Variants in ARMC9 observed in about 807,000 individuals in gnomAD.
ARMC9 encodes the protein armadillo repeat containing 9.
ARMC9 carries 94 observed loss-of-function variants against 107.0 expected under a neutral mutation model. The observed-to-expected ratio is 0.88, with a 90% CI of 0.74 to 1.04. ARMC9 has a LOEUF of 1.04. Ranked by LOEUF, ARMC9 falls within the 50% of genes least tolerant of loss-of-function variation. The probability of loss-of-function intolerance (pLI) is 0.00; values close to 1 mark genes in which losing one functional copy is unlikely to be tolerated. For synonymous variants in ARMC9, 380 were observed against 396.9 expected (o/e 0.96, Z 0.51); for missense variants, 942 against 1,030.1 (o/e 0.91, Z 1.17).
intron 19 of ARMC9, among the ~76,000 whole-genome samples, chr2:231,318,616 C>G (rs147527910): frequency 1.6e-4 from 25 of 152,302 alleles, no homozygotes; most frequent in African/African-American, 6.0e-4. Context: ...ACGATGGGAA[C>G]GCCTCCAGGC....
intron 17 of ARMC9, among the ~76,000 whole-genome samples, chr2:231,288,339 G>C (rs1374994904): frequency 6.6e-6 from 1 of 152,254 alleles, no homozygotes; most frequent in Middle Eastern, 3.4e-3. Flanking sequence ...TTATCTCTGG[G>C]TGGGGGGCCT....
At chr2:231,319,420 G>T (rs115251684) in intron 19 of ARMC9, among the ~76,000 whole-genome samples, 1 of 152,210 alleles carries the variant, frequency 6.6e-6, no homozygotes, top group Non-Finnish European at 1.5e-5. Flanking sequence ...TAACTGCCAC[G>T]AACCTGAGCA....
chr2:231,375,742 G>A lies in ARMC9; in HGVS notation c.*4207G>A, dbSNP rs2046177214. On this transcript the variant is annotated 3_prime_UTR_variant, in exon 25 of 25. Coordinates refer to ENST00000611582, the MANE Select transcript of ARMC9 (RefSeq NM_001352754.2). This position sits in a 1 kb window ranked among gnomAD's most constrained non-coding sequence, Gnocchi z 4.3. ...ATTAGCAAAAAGTCAGGGCTACAGA[G>A]CCCTATCCAGAGTCGTCATCTTAAG... Among the ~76,000 whole-genome samples, 1 of 152,186 alleles carries A rather than the reference G, an allele frequency of 6.6e-6. No individual in the cohort carries two copies. The highest frequency in any genetic ancestry group is 1.5e-5 in the Non-Finnish European group (1 of 68,038).
At chr2:231,284,643 T>C (rs922868209) in intron 17 of ARMC9, among the ~76,000 whole-genome samples, 4 of 152,216 alleles carry the variant, frequency 2.6e-5, no homozygotes, top group African/African-American at 7.2e-5. Context: ...GAAGCCCCAG[T>C]GTCTTTTAGA....
chr2:231,296,433 G>A (rs1239511337), intron 19 of ARMC9, among the ~76,000 whole-genome samples, 180 bp downstream of exon 19: 2 of 152,236 alleles, frequency 1.3e-5, no homozygotes, highest in Non-Finnish European at 2.9e-5. Context: ...GGGGTCTCAT[G>A]TGGGGAGCCC....
At position 231,240,007 on chromosome 2, in the gene ARMC9, T is replaced by G; in HGVS notation, c.845T>G (p.Leu282Arg). Residue 282 changes from leucine (L) to arginine (R), a missense_variant, in exon 9 of 25, where the codon CTG becomes CGG. Transcript: ENST00000611582. ...RLFSNQMRQS[L>R]AHSVDFTRPG... ...TTCAGTAACCAGATGCGGCAGAGCC[T>G]GGCGCATAGTGTGGACTTCACGAGG... 3 of 1,613,852 alleles carry G rather than the reference T, an allele frequency of 1.9e-6. No individual in the cohort carries two copies. Among genetic ancestry groups the G allele is most frequent in the Non-Finnish European group, 2.5e-6 (3 of 1,179,904 alleles).
At position 231,335,473 on chromosome 2, in the gene ARMC9, T is replaced by G. The variant is rs116139652; in HGVS notation, c.1878+3576T>G. 7.0e-3 allele frequency among the ~76,000 whole-genome samples: 1,059 copies of G among 152,298 alleles called. 2 individuals are homozygous for G. The highest frequency in any genetic ancestry group is 0.011 in the Non-Finnish European group (761 of 68,004). On this transcript the variant is annotated intron_variant, in intron 20 of 24. Coordinates refer to ENST00000611582, the MANE Select transcript of ARMC9 (RefSeq NM_001352754.2). ...CCACCTGTTCCCTGCAGGGCCACAC[T>G]GCTAGTCCCCACCCTCAAAGTCTAC...
intron 1 of ARMC9, 71 bp from the exon 2 acceptor site, chr2:231,206,127 C>A: frequency 1.0e-6 from 1 of 958,502 alleles, no homozygotes; most frequent in Non-Finnish European, 1.7e-6. Flanking sequence ...ATTCTGCTCA[C>A]CACAACCACC....
At chr2:231,320,219 G>A (rs539437906) in intron 19 of ARMC9, among the ~76,000 whole-genome samples, 4 of 152,094 alleles carry the variant, frequency 2.6e-5, no homozygotes, top group East Asian at 1.9e-4. Flanking sequence ...CTTCATCCTC[G>A]TGTCCTTATA....
intron 23 of ARMC9, among the ~76,000 whole-genome samples, chr2:231,366,038 T>TA (rs1024533300): frequency 6.6e-6 from 1 of 152,094 alleles, no homozygotes; most frequent in Non-Finnish European, 1.5e-5. Flanking sequence ...GTGTATTAGT[T>TA]AGGACTCTCC....
At chr2:231,302,160 TTATA>T (rs1220079456) in intron 19 of ARMC9, among the ~76,000 whole-genome samples, 1 of 151,998 alleles carries the variant, frequency 6.6e-6, no homozygotes, top group Non-Finnish European at 1.5e-5. Flanking sequence ...ACATATATGT[TTATA>T]TAAGGTTTGA....
chr2:231,316,741 CT>C (rs1444826265), intron 19 of ARMC9, among the ~76,000 whole-genome samples: 3 of 151,298 alleles, frequency 2.0e-5, no homozygotes, highest in African/African-American at 7.3e-5. Context: ...ATAGGTCATT[CT>C]TTTGTCTTCT....
Position 231,374,675 on chromosome 2 carries a change from C to G in ARMC9, c.*3140C>G, listed in dbSNP as rs538368036. 1.3e-5 allele frequency: 2 copies of G among 152,260 alleles called. No individual in the cohort carries two copies. The highest frequency in any genetic ancestry group is 3.9e-4 in the East Asian group (2 of 5,186). The allele number at this position is 152,260 out of a possible 1,614,324, so 9.4% of individuals were successfully genotyped here. On this transcript the variant is annotated 3_prime_UTR_variant, in exon 25 of 25. Coordinates refer to ENST00000611582, the MANE Select transcript of ARMC9 (RefSeq NM_001352754.2). ...ATCAAACTTTTTAATAAAAACAAGT[C>G]TGGCCCTGTACTTGGATGACCCCAC...
At chr2:231,316,195 T>A (rs1198837154) in intron 19 of ARMC9, among the ~76,000 whole-genome samples, 1 of 150,432 alleles carries the variant, frequency 6.6e-6, no homozygotes, top group Non-Finnish European at 1.5e-5. Context: ...TGTGTGTGTA[T>A]CTCCACCTAC....
At chr2:231,264,042 A>G (rs1351704925) in intron 12 of ARMC9, among the ~76,000 whole-genome samples, 2 of 152,178 alleles carry the variant, frequency 1.3e-5, no homozygotes, top group Non-Finnish European at 2.9e-5. Context: ...TTGATTATGT[A>G]TAAAATGAAA....
At chr2:231,228,031 T>G (rs547603984) in intron 7 of ARMC9, among the ~76,000 whole-genome samples, 60 of 152,258 alleles carry the variant, frequency 3.9e-4, no homozygotes, top group African/African-American at 1.4e-3. Flanking sequence ...CAGTACAGTA[T>G]GTGGAGGAAG....
intron 20 of ARMC9, among the ~76,000 whole-genome samples, chr2:231,333,248 T>C (rs771801255): frequency 1.3e-5 from 2 of 151,490 alleles, no homozygotes; most frequent in Non-Finnish European, 1.5e-5. Context: ...ATGGCAAGGG[T>C]TTGGGATTTT....
chr2:231,222,906 T>C, intron 6 of ARMC9, 86 bp downstream of exon 6: 3 of 838,398 alleles, frequency 3.6e-6, no homozygotes, highest in Non-Finnish European at 5.7e-6. Context: ...TTTATTGAGG[T>C]TGCCTCATTA....
At chr2:231,341,504 G>A (rs769015611) in intron 20 of ARMC9, among the ~76,000 whole-genome samples, 2 of 152,170 alleles carry the variant, frequency 1.3e-5, no homozygotes, top group Non-Finnish European at 2.9e-5. Flanking sequence ...ACACATTGCC[G>A]TGCCGACAAA....
Sources: allele counts gnomAD v4.1 joint callset (sites outside exome capture counted in the v4.1 genomes callset), GRCh38; gene constraint gnomAD v4.1.1; non-coding constraint Gnocchi (gnomAD v3.1); transcripts MANE v1.5; gene names NCBI Gene and HGNC (gene_info 2026-07-23, HGNC 2026-07-21).